Variants in KIF16B observed in about 807,000 individuals in gnomAD.
KIF16B encodes the protein kinesin family member 16B, also known as kinesin-like protein KIF16B.
In KIF16B, 98 loss-of-function variants were observed where a neutral mutation model predicts 156.3. The ratio of observed to expected loss-of-function variants is 0.63; its 90% CI spans 0.53 to 0.74. KIF16B has a LOEUF of 0.74. Ranked by LOEUF, KIF16B falls within the 30% of genes least tolerant of loss-of-function variation. The pLI is 0.00. For missense variants in KIF16B, 1,421 were observed against 1,606.5 expected, an observed-to-expected ratio of 0.88 and a Z score of 1.97; for synonymous variants, 564 against 583.7, an observed-to-expected ratio of 0.97 and a Z score of 0.49.
At chr20:16,342,696 C>T (rs543516491) in intron 23 of KIF16B, among the ~76,000 whole-genome samples, 84 of 152,308 alleles carry the variant, frequency 5.5e-4, no homozygotes, top group South Asian at 1.0e-3. Flanking sequence ...CACCTGAATT[C>T]AGGCTAAATA....
intron 12 of KIF16B, among the ~76,000 whole-genome samples, chr20:16,467,476 A>G (rs908266472): frequency 2.6e-5 from 4 of 152,242 alleles, no homozygotes; most frequent in Non-Finnish European, 5.9e-5. Flanking sequence ...GAAGGTTGGA[A>G]TTATCAACCA....
intron 12 of KIF16B, among the ~76,000 whole-genome samples, chr20:16,433,363 C>A (rs2146467626): frequency 6.6e-6 from 1 of 152,156 alleles, no homozygotes; most frequent in South Asian, 2.1e-4. Flanking sequence ...CCCCCACCCC[C>A]AAAAATGCAA....
chr20:16,474,796 T>C (rs1411574228), intron 12 of KIF16B, among the ~76,000 whole-genome samples: 2 of 152,222 alleles, frequency 1.3e-5, no homozygotes, highest in Non-Finnish European at 2.9e-5. Flanking sequence ...CCTAGTTCTG[T>C]AGTTTTTGGT....
chr20:16,369,227 G>A, intron 22 of KIF16B: 1 of 985,868 alleles, frequency 1.0e-6, no homozygotes, highest in Non-Finnish European at 1.2e-6. Context: ...TCTCTGGGCA[G>A]AAGCGGGTCA....
At chr20:16,529,200 G>C (rs1453191038) in intron 1 of KIF16B, among the ~76,000 whole-genome samples, 1 of 152,188 alleles carries the variant, frequency 6.6e-6, no homozygotes, top group East Asian at 1.9e-4. Flanking sequence ...GGGAAATTGA[G>C]GATAAGGATT....
chr20:16,317,971 C>A (rs1339811129), intron 24 of KIF16B, among the ~76,000 whole-genome samples: 5 of 152,210 alleles, frequency 3.3e-5, no homozygotes, highest in African/African-American at 1.2e-4. Flanking sequence ...CCACAGCCAG[C>A]AACTCCACAG....
chr20:16,471,524 A>C (rs1164806856), intron 12 of KIF16B, among the ~76,000 whole-genome samples: 1 of 152,236 alleles, frequency 6.6e-6, no homozygotes, highest in Non-Finnish European at 1.5e-5. Flanking sequence ...ATAATCTTGA[A>C]TCTTCCTTGC....
chr20:16,435,454 CTTT>C (rs2146485081), intron 12 of KIF16B, among the ~76,000 whole-genome samples: 1 of 152,306 alleles, frequency 6.6e-6, no homozygotes, highest in African/African-American at 2.4e-5. Flanking sequence ...AGAGTTTCTT[CTTT>C]ATCTTGAAAT....
In KIF16B at chr20:16,381,489, G is replaced by A. The variant is rs572362505; in HGVS notation, c.1838+205C>T. On this transcript the variant is annotated intron_variant, in intron 18 of 25. Transcript: ENST00000354981. Reference sequence around the variant, plus strand: ...TTCTCATAAATATTTGAAGATGAACGTTTAAAAAAATTTAAACTTGAAGAA... The same window carrying A: ...TTCTCATAAATATTTGAAGATGAACATTTAAAAAAATTTAAACTTGAAGAA... 4.9e-5 allele frequency among the ~76,000 whole-genome samples: 7 copies of A among 143,556 alleles called. No homozygotes were observed. In the South Asian group the frequency reaches 6.7e-4, roughly 14 times the overall value. 94.2% of individuals were successfully genotyped at this position (143,556 alleles called of 152,430 possible).
intron 12 of KIF16B, among the ~76,000 whole-genome samples, chr20:16,440,919 G>A (rs1015491085): frequency 7.2e-5 from 11 of 152,156 alleles, no homozygotes; most frequent in Non-Finnish European, 1.3e-4. Context: ...GCAAATCATC[G>A]AGATGTCAGG....
chr20:16,376,584 G>A (rs1015345007), intron 19 of KIF16B, among the ~76,000 whole-genome samples: 14 of 152,154 alleles, frequency 9.2e-5, no homozygotes, highest in Non-Finnish European at 1.9e-4. Context: ...GGAATCCGTC[G>A]GCCTGAATTA....
chr20:16,505,780 C>T lies in KIF16B; in HGVS notation c.942G>A (p.Val314=). The T allele has an allele frequency of 6.2e-7, 1 of 1,613,818 alleles. No individual in the cohort carries two copies. Among genetic ancestry groups the T allele is most frequent in the Non-Finnish European group, 8.5e-7 (1 of 1,179,778 alleles). ...GGCTATCTTTTAACAACCAAGTCAACACAGAATCCCTGTAAGGCACGAAAA... is the reference window on the plus strand; with the variant it reads ...GGCTATCTTTTAACAACCAAGTCAATACAGAATCCCTGTAAGGCACGAAAA... ...KQVFVPYRDS[V]LTWLLKDSLG... is the part of the protein sequence containing the mutation. Residue 314 remains valine, a synonymous_variant, in exon 9 of 26, where the codon GTG becomes GTA. Coordinates refer to ENST00000354981, the MANE Select transcript of KIF16B (RefSeq NM_024704.5).
chr20:16,292,092 T>C (rs894195628), intron 25 of KIF16B, among the ~76,000 whole-genome samples: 7 of 152,360 alleles, frequency 4.6e-5, no homozygotes, highest in East Asian at 1.9e-4. Context: ...ATAAATAATA[T>C]GAAGCAGGTG....
At chr20:16,288,478 A>G (rs6043860) in intron 25 of KIF16B, among the ~76,000 whole-genome samples, 17,270 of 92,466 alleles carry the variant, frequency 0.19, 56 homozygotes, top group Non-Finnish European at 0.21. Flanking sequence ...TATGTACCTT[A>G]GTAAACACAG....
chr20:16,425,171 G>C lies in KIF16B; in HGVS notation c.1612+1933C>G, dbSNP rs1316059245. On this transcript the variant is annotated intron_variant, in intron 15 of 25. Coordinates refer to ENST00000354981, the MANE Select transcript of KIF16B (RefSeq NM_024704.5). ...TCCTTGGAGAATTGGTTAGTTTGAG[G>C]AAAGCACAAGATGAGTCTGGAATAT... is the stretch of plus-strand genomic sequence containing the variant. Among the ~76,000 whole-genome samples the C allele has an allele frequency of 2.6e-5, 4 of 152,106 alleles. No individual in the cohort carries two copies. The East Asian group carries it at 5.8e-4, about 22-fold the overall frequency.
intron 17 of KIF16B, among the ~76,000 whole-genome samples, chr20:16,393,558 A>T (rs2065422291): frequency 6.6e-6 from 1 of 152,208 alleles, no homozygotes; most frequent in Non-Finnish European, 1.5e-5. Flanking sequence ...CCTTATCTGG[A>T]AACAGTTCAC....
At chr20:16,275,654 T>C (rs10485550) in intron 25 of KIF16B, among the ~76,000 whole-genome samples, 12,060 of 152,238 alleles carry the variant, frequency 0.079, 639 homozygotes, top group Non-Finnish European at 0.12. Flanking sequence ...ACTGGTCTCA[T>C]GGTACCCTCT....
intron 15 of KIF16B, among the ~76,000 whole-genome samples, chr20:16,423,564 T>C (rs547776467): frequency 6.6e-6 from 1 of 152,210 alleles, no homozygotes; most frequent in African/African-American, 2.4e-5. Flanking sequence ...TGAAAACCAG[T>C]ACAAGCCTCT....
intron 12 of KIF16B, among the ~76,000 whole-genome samples, chr20:16,450,288 G>A (rs2067044648): frequency 6.6e-6 from 1 of 152,082 alleles, no homozygotes; most frequent in Non-Finnish European, 1.5e-5. Context: ...GCAACTTGGG[G>A]CTGGACTCAT....
Sources: gnomAD v4.1 joint callset for allele counts (sites outside exome capture counted in the v4.1 genomes callset) on GRCh38, gnomAD v4.1.1 for gene constraint, MANE v1.5 for transcripts, NCBI Gene and HGNC (gene_info 2026-07-23, HGNC 2026-07-21) for gene names.